The following FYB1 variants were observed in gnomAD, a reference collection of about 807,000 sequenced individuals.
FYB1 encodes FYN-binding protein 1.
In FYB1, 41 loss-of-function variants were observed where a neutral mutation model predicts 94.1. That is an observed-to-expected ratio of 0.44 (90% CI 0.34 to 0.57). The LOEUF (loss-of-function observed/expected upper bound fraction) is 0.57. Among genes scored for constraint, FYB1 ranks in the 20% least tolerant of loss-of-function variants. FYB1 has a pLI of 0.02. For missense variants in FYB1, 1,050 were observed against 976.8 expected (o/e 1.07, Z -1.00); for synonymous variants, 367 against 353.2 (o/e 1.04, Z -0.44).
chr5:39,237,182 T>C (rs759051198), intron 1 of FYB1, among the ~76,000 whole-genome samples: 2 of 152,000 alleles, frequency 1.3e-5, no homozygotes, highest in Non-Finnish European at 2.9e-5. Flanking sequence ...TGTAGGCTCA[T>C]GCCAAAAACA....
chr5:39,177,308 C>T (rs1745819838), intron 2 of FYB1, among the ~76,000 whole-genome samples: 1 of 152,172 alleles, frequency 6.6e-6, no homozygotes, highest in Non-Finnish European at 1.5e-5. Context: ...ACTCTATTTC[C>T]TTGGGGTAAC....
rs564992172 is a variant in FYB1 at position 39,249,298 on chromosome 5, C to T, written c.-28+25105G>A. On this transcript the variant is annotated intron_variant, in intron 1 of 1. Coordinates refer to the FYB1 transcript ENST00000510188. Reference sequence around the variant, plus strand: ...GTCAGCAAACATTTTCTGTAAGGGGCCTGATAGTAAATATTTTTGGCTCTT... The same window carrying T: ...GTCAGCAAACATTTTCTGTAAGGGGTCTGATAGTAAATATTTTTGGCTCTT... Among the ~76,000 whole-genome samples, 11 of 152,294 alleles carry T rather than the reference C, an allele frequency of 7.2e-5. No homozygotes were observed. The South Asian group carries it at 2.3e-3, about 32-fold the overall frequency.
chr5:39,122,259 T>G (rs1424574612), intron 14 of FYB1, 77 bp downstream of exon 14: 1 of 935,174 alleles, frequency 1.1e-6, no homozygotes, highest in Non-Finnish European at 1.7e-6. Flanking sequence ...CACATCCCAC[T>G]GGGTTTTTAT....
At chr5:39,148,189 A>T (rs1261189010) in intron 3 of FYB1, among the ~76,000 whole-genome samples, 14 of 73,004 alleles carry the variant, frequency 1.9e-4, no homozygotes, top group African/African-American at 2.6e-4. Context: ...ATATATATAT[A>T]TATATATATA....
chr5:39,201,722 C>CT (rs1239870314), intron 2 of FYB1, 104 bp downstream of exon 2: 7 of 1,004,790 alleles, frequency 7.0e-6, no homozygotes, highest in Non-Finnish European at 1.0e-5. Context: ...ATATGAGTAC[C>CT]AGATATAGAG....
intron 17 of FYB1, 125 bp from the exon 18 acceptor site, chr5:39,108,387 G>A (rs1167618647): frequency 1.3e-6 from 1 of 781,644 alleles, no homozygotes; most frequent in Non-Finnish European, 1.9e-6. Context: ...AGCATAGTAT[G>A]CATTTATAAG....
At chr5:39,108,647 G>A (rs941710275) in intron 17 of FYB1, among the ~76,000 whole-genome samples, 5 of 152,064 alleles carry the variant, frequency 3.3e-5, no homozygotes, top group East Asian at 1.9e-4. Context: ...CTTGAATTTC[G>A]AATGGTGAAT....
chr5:39,115,313 T>C (rs1299839783), intron 16 of FYB1, among the ~76,000 whole-genome samples: 2 of 152,072 alleles, frequency 1.3e-5, no homozygotes, highest in African/African-American at 4.8e-5. Context: ...CAGGCTGGTC[T>C]CAAACTCCTG....
At chr5:39,163,806 T>C (rs921713079) in intron 2 of FYB1, among the ~76,000 whole-genome samples, 18 of 151,884 alleles carry the variant, frequency 1.2e-4, no homozygotes, top group Non-Finnish European at 2.2e-4. Flanking sequence ...GGGTGTCTCT[T>C]CCCTCCTCTA....
chr5:39,119,766 G>A, intron 14 of FYB1, 132 bp from the exon 15 acceptor site: 1 of 1,117,768 alleles, frequency 8.9e-7, no homozygotes, highest in Non-Finnish European at 1.2e-6. Flanking sequence ...TAGAAATCCA[G>A]TAACTGTCAT....
At chr5:39,203,310 T>A (rs1167196991) in intron 1 of FYB1, among the ~76,000 whole-genome samples, 1 of 152,232 alleles carries the variant, frequency 6.6e-6, no homozygotes, top group Non-Finnish European at 1.5e-5. Context: ...GTATTATTTA[T>A]TTTTAAAGTT....
intron 1 of FYB1, among the ~76,000 whole-genome samples, chr5:39,246,842 A>G (rs1395528188): frequency 2.0e-5 from 3 of 151,990 alleles, no homozygotes; most frequent in Non-Finnish European, 1.5e-5. Flanking sequence ...AGCATCATCT[A>G]CTCAAGGCAG....
intron 2 of FYB1, chr5:39,169,576 G>T: frequency 6.1e-6 from 3 of 495,378 alleles, no homozygotes. Context: ...CAGATGCAGT[G>T]GCTCACGCCT....
chr5:39,230,115 G>A (rs987696603), intron 1 of FYB1, among the ~76,000 whole-genome samples: 2 of 152,148 alleles, frequency 1.3e-5, no homozygotes, highest in Admixed American at 6.6e-5. Flanking sequence ...CCCAGGAACT[G>A]TGAATATGCT....
intron 2 of FYB1, among the ~76,000 whole-genome samples, chr5:39,184,028 T>A (rs535254857): frequency 3.9e-5 from 6 of 152,244 alleles, no homozygotes; most frequent in Non-Finnish European, 8.8e-5. Context: ...TAAAAATTTA[T>A]ATGATCTACT....
chr5:39,213,372 T>A (rs1023837159), intron 1 of FYB1, among the ~76,000 whole-genome samples: 10 of 152,140 alleles, frequency 6.6e-5, no homozygotes, highest in African/African-American at 2.4e-4. Context: ...CACACAAAAC[T>A]TTTTAGCAGT....
intron 2 of FYB1, among the ~76,000 whole-genome samples, chr5:39,153,980 C>G (rs529452863): frequency 6.6e-6 from 1 of 152,008 alleles, no homozygotes; most frequent in African/African-American, 2.4e-5. Flanking sequence ...GAGATGAAGT[C>G]TTGATATGTC....
At position 39,153,618 on chromosome 5, in the gene FYB1, C is replaced by A. The variant is rs767691535; in HGVS notation, c.1136-14G>T. 22 of 1,587,968 alleles carry A rather than the reference C, an allele frequency of 1.4e-5. No individual in the cohort carries two copies. In the Middle Eastern group the frequency reaches 5.0e-4, roughly 36 times the overall value. ...CTTTGCTAGTACCTAAGAAGCAAAG[C>A]AAACAATACCATGAATTAAGACAAA... On this transcript the variant is annotated splice_polypyrimidine_tract_variant and intron_variant, in intron 2 of 18. Transcript: ENST00000512982.
At position 39,127,741 on chromosome 5, in the gene FYB1, CCAT is replaced by C. The variant is rs764359289; in HGVS notation, c.1904_1906del (p.Asp635del). On this transcript the variant is annotated inframe_deletion and splice_region_variant, in exon 11 of 19. Transcript: ENST00000512982. ...AAAGCAGTTCACTGATTATTCTTACCCATCATCAGCATCTTCCTCTTCAATCCC... is the reference window on the plus strand; with the variant it reads ...AAAGCAGTTCACTGATTATTCTTACCCATCAGCATCTTCCTCTTCAATCCC... 1.1e-5 allele frequency: 17 copies of C among 1,597,652 alleles called. 1 individual carries two copies. The African/African-American group carries it at 1.9e-4, about 18-fold the overall frequency.
Sources: allele counts gnomAD v4.1 joint callset (sites outside exome capture counted in the v4.1 genomes callset), GRCh38; gene constraint gnomAD v4.1.1; transcripts MANE v1.5; gene names NCBI Gene and HGNC (gene_info 2026-07-23, HGNC 2026-07-21).